Variants in PKN2 observed in about 807,000 individuals in gnomAD.
PKN2 encodes serine/threonine-protein kinase N2.
In PKN2, 38 loss-of-function variants were observed where a neutral mutation model predicts 119.1. The observed-to-expected ratio is 0.32, with a 90% CI of 0.25 to 0.42. The LOEUF is 0.42. Among genes scored for constraint, PKN2 ranks in the 10% least tolerant of loss-of-function variants. PKN2 has a pLI of 1.00. For synonymous variants in PKN2, 390 were observed against 384.9 expected (o/e 1.01, Z -0.15); for missense variants, 850 against 1,165.1 (o/e 0.73, Z 3.94).
chr1:88,688,020 A>C (rs927449668), intron 1 of PKN2, among the ~76,000 whole-genome samples: 1 of 152,158 alleles, frequency 6.6e-6, no homozygotes, highest in Non-Finnish European at 1.5e-5. Context: ...AATGTTAAGG[A>C]AATTGCTCAT....
chr1:88,754,604 T>C (rs1387791806), intron 2 of PKN2, among the ~76,000 whole-genome samples: 1 of 152,188 alleles, frequency 6.6e-6, no homozygotes, highest in Non-Finnish European at 1.5e-5. Context: ...GGAAAAATAG[T>C]AGTGGAGAAT....
intron 6 of PKN2, among the ~76,000 whole-genome samples, chr1:88,783,126 T>TC (rs1670422599): frequency 6.6e-6 from 1 of 152,200 alleles, no homozygotes. Flanking sequence ...ATGCACTGAG[T>TC]ATTGTTCTTT....
At chr1:88,766,512 T>G (rs1337486212) in intron 3 of PKN2, among the ~76,000 whole-genome samples, 1 of 152,234 alleles carries the variant, frequency 6.6e-6, no homozygotes, top group Non-Finnish European at 1.5e-5. Context: ...TTGTAAAATA[T>G]TTATTCCAAA....
chr1:88,761,199 A>T (rs901016503), intron 3 of PKN2, among the ~76,000 whole-genome samples: 5 of 152,174 alleles, frequency 3.3e-5, no homozygotes, highest in Middle Eastern at 3.2e-3. Flanking sequence ...GCTGAACCAG[A>T]TTATCCTCAA....
intron 18 of PKN2, among the ~76,000 whole-genome samples, chr1:88,825,901 C>T (rs1275326980): frequency 6.6e-6 from 1 of 152,152 alleles, no homozygotes; most frequent in Non-Finnish European, 1.5e-5. Context: ...CTTTTTGCTG[C>T]AGCAACAATG....
Position 88,696,100 on chromosome 1 carries a change from C to G in PKN2, c.48+11472C>G, listed in dbSNP as rs146405071. 4.6e-5 allele frequency among the ~76,000 whole-genome samples: 7 copies of G among 152,298 alleles called. No homozygotes were observed. In the East Asian group the frequency reaches 7.7e-4, roughly 17 times the overall value. ...TGAGGACCCTGCACTATATTGGTTA[C>G]TTTTCTTTCATCATACCTGCCTCTG... On this transcript the variant is annotated intron_variant, in intron 1 of 21. Transcript: ENST00000370521.
intron 6 of PKN2, among the ~76,000 whole-genome samples, chr1:88,777,140 C>T (rs928968512): frequency 6.6e-6 from 1 of 152,094 alleles, no homozygotes; most frequent in Non-Finnish European, 1.5e-5. Context: ...ATTGATCTAC[C>T]TTCAAATTGG....
intron 6 of PKN2, among the ~76,000 whole-genome samples, chr1:88,772,498 A>G (rs990544657): frequency 6.6e-6 from 1 of 152,238 alleles, no homozygotes; most frequent in African/African-American, 2.4e-5. Context: ...TAATATAAAC[A>G]TTCCAAAATC....
intron 8 of PKN2, among the ~76,000 whole-genome samples, chr1:88,786,670 A>G (rs552621023): frequency 6.6e-6 from 1 of 152,292 alleles, no homozygotes; most frequent in South Asian, 2.1e-4. Context: ...AGAACCCATC[A>G]GAAGTTAACC....
At chr1:88,724,761 A>G (rs908346852) in intron 1 of PKN2, among the ~76,000 whole-genome samples, 4 of 150,898 alleles carry the variant, frequency 2.7e-5, no homozygotes, top group Non-Finnish European at 5.9e-5. Context: ...TTAAGTAGAG[A>G]CAGGGTTTCA....
chr1:88,742,368 C>CTTGT (rs1489536414), intron 2 of PKN2, among the ~76,000 whole-genome samples: 2 of 152,104 alleles, frequency 1.3e-5, no homozygotes, highest in African/African-American at 4.8e-5. Context: ...CTTGTTAAAA[C>CTTGT]TTGTTTTTCG....
intron 1 of PKN2, among the ~76,000 whole-genome samples, chr1:88,714,655 G>GGA (rs2100692603): frequency 6.6e-6 from 1 of 152,238 alleles, no homozygotes; most frequent in Non-Finnish European, 1.5e-5. Context: ...TTACTTATCA[G>GGA]GTTAAGGAGA....
intron 18 of PKN2, 81 bp from the exon 19 acceptor site, chr1:88,828,400 C>T (rs1672595025): frequency 4.0e-6 from 5 of 1,240,006 alleles, no homozygotes; most frequent in Middle Eastern, 2.0e-4. Context: ...TTAATTTTGC[C>T]TCCCAAAGAT....
chr1:88,781,226 C>T (rs1670329749), intron 6 of PKN2: 1 of 1,080,736 alleles, frequency 9.3e-7, no homozygotes, highest in African/African-American at 1.6e-5. Flanking sequence ...TCTCATACTC[C>T]AGTTTCTTTT....
Position 88,813,396 on chromosome 1 carries a change from G to T in PKN2, c.2103-161G>T, listed in dbSNP as rs563909140. On this transcript the variant is annotated intron_variant, in intron 15 of 21. Coordinates refer to ENST00000370521, the MANE Select transcript of PKN2 (RefSeq NM_006256.4). ...AACTGAAGTTATTTATTTTAGGTAG[G>T]TCAGTTTTCATAGCACATATAGCAA... 2.2e-4 allele frequency among the ~76,000 whole-genome samples: 33 copies of T among 152,128 alleles called. No homozygotes were observed. Among genetic ancestry groups the T allele is most frequent in the Non-Finnish European group, 3.7e-4 (25 of 67,990 alleles).
rs192117655 is a variant in PKN2 at position 88,706,786 on chromosome 1, A to G, written c.48+22158A>G. Among the ~76,000 whole-genome samples the G allele has an allele frequency of 2.0e-5, 3 of 152,136 alleles. No individual in the cohort carries two copies. In the East Asian group the frequency reaches 5.8e-4, roughly 29 times the overall value. On this transcript the variant is annotated intron_variant, in intron 1 of 21. Coordinates refer to ENST00000370521, the MANE Select transcript of PKN2 (RefSeq NM_006256.4). Reference sequence around the variant, plus strand: ...CAGTTTTTGATATGTTTTCATTTTCATTCAGTTCAGAATATGTGCTGATTT... The same window carrying G: ...CAGTTTTTGATATGTTTTCATTTTCGTTCAGTTCAGAATATGTGCTGATTT...
chr1:88,766,410 A>G (rs1296695432), intron 3 of PKN2, among the ~76,000 whole-genome samples: 1 of 152,222 alleles, frequency 6.6e-6, no homozygotes. Context: ...ATGTGTTGTA[A>G]TGTCCCACTA....
At chr1:88,801,242 A>G (rs997875154) in intron 8 of PKN2, among the ~76,000 whole-genome samples, 1 of 152,032 alleles carries the variant, frequency 6.6e-6, no homozygotes, top group Non-Finnish European at 1.5e-5. Flanking sequence ...AAAATTAGCC[A>G]TGTGTGGTGG....
chr1:88,809,969 G>A (rs1040534086), intron 15 of PKN2, among the ~76,000 whole-genome samples: 37 of 151,940 alleles, frequency 2.4e-4, no homozygotes, highest in African/African-American at 8.7e-4. Context: ...AGTAGAACTG[G>A]TATAAAAAGA....
Sources: allele counts gnomAD v4.1 joint callset (sites outside exome capture counted in the v4.1 genomes callset), GRCh38; gene constraint gnomAD v4.1.1; transcripts MANE v1.5; gene names NCBI Gene and HGNC (gene_info 2026-07-23, HGNC 2026-07-21).